DHX35: variants seen among roughly 807,000 people sequenced by gnomAD.
DHX35 encodes probable ATP-dependent RNA helicase DHX35.
A neutral mutation model predicts 99.6 loss-of-function variants in DHX35; 84 were observed. That is an observed-to-expected ratio of 0.84 (90% CI 0.71 to 1.01). The LOEUF (loss-of-function observed/expected upper bound fraction) is 1.01, where lower values mean the gene tolerates loss of function less well. Among genes scored for constraint, DHX35 ranks in the 50% least tolerant of loss-of-function variants. The probability of loss-of-function intolerance (pLI) is 0.00; values close to 1 mark genes in which losing one functional copy is unlikely to be tolerated. For synonymous variants in DHX35, 331 were observed against 316.2 expected, an observed-to-expected ratio of 1.05 and a Z score of -0.50; for missense variants, 852 against 888.5, an observed-to-expected ratio of 0.96 and a Z score of 0.52.
In DHX35 at chr20:39,014,900, G is replaced by A. The variant is rs2086758543; in HGVS notation, c.1368G>A (p.Met456Ile). ...HFMSPPPAQS[M>I]VQALELLYAL... ...TCCAGCCCCCTCCAGCACAGTCGAT[G>A]GTTCAAGCCTTGGAGTTACTGTATG... The change falls in exon 14 of 22, where the codon ATG becomes ATA. Residue 456 changes from methionine to isoleucine, a missense_variant. Physicochemically the swap from Met to Ile is conservative, Grantham distance 10 (BLOSUM62 1). Transcript: ENST00000252011. 4 of 1,614,140 alleles carry A rather than the reference G, an allele frequency of 2.5e-6. No individual in the cohort carries two copies. Among genetic ancestry groups the A allele is most frequent in the Non-Finnish European group, 3.4e-6 (4 of 1,180,020 alleles).
chr20:39,014,559 T>A (rs1490876229), intron 13 of DHX35, among the ~76,000 whole-genome samples: 1 of 152,094 alleles, frequency 6.6e-6, no homozygotes, highest in African/African-American at 2.4e-5. Context: ...AAGTAAAAAT[T>A]AGAAATGTCT....
intron 7 of DHX35, among the ~76,000 whole-genome samples, chr20:38,994,285 G>GA (rs943801149): frequency 6.6e-5 from 10 of 150,578 alleles, no homozygotes; most frequent in African/African-American, 1.9e-4. Flanking sequence ...GATAGATGGG[G>GA]AAAAAAAAAT....
intron 15 of DHX35, among the ~76,000 whole-genome samples, chr20:39,019,350 T>A (rs1248741140): frequency 6.6e-6 from 1 of 152,214 alleles, no homozygotes; most frequent in Non-Finnish European, 1.5e-5. Context: ...AAAATTTTCT[T>A]CATTTTTAAG....
At chr20:38,994,090 GTTATTA>G (rs1013118645) in intron 7 of DHX35, among the ~76,000 whole-genome samples, 5 of 151,984 alleles carry the variant, frequency 3.3e-5, no homozygotes, top group African/African-American at 9.7e-5. Context: ...TGTATTAGTT[GTTATTA>G]TTATTATTTT....
intron 1 of DHX35, among the ~76,000 whole-genome samples, chr20:38,967,448 G>A (rs1266942043): frequency 6.6e-6 from 1 of 152,218 alleles, no homozygotes; most frequent in Non-Finnish European, 1.5e-5. Context: ...GTGCTGAAAA[G>A]TGTGACCTTT....
intron 10 of DHX35, 36 bp from the exon 11 acceptor site, chr20:39,003,713 T>G: frequency 6.3e-7 from 1 of 1,590,988 alleles, no homozygotes; most frequent in Non-Finnish European, 8.6e-7. Flanking sequence ...TTTAAATTGA[T>G]CTCGGTTTCT....
chr20:39,028,348 G>A (rs1476182218), intron 18 of DHX35, 70 bp from the exon 19 acceptor site: 3 of 1,483,160 alleles, frequency 2.0e-6, no homozygotes, highest in Non-Finnish European at 2.8e-6. Context: ...AGTGGATCCT[G>A]TGCATTAGAG....
chr20:39,016,051 G>T (rs1358223147), intron 14 of DHX35, among the ~76,000 whole-genome samples: 1 of 152,190 alleles, frequency 6.6e-6, no homozygotes, highest in African/African-American at 2.4e-5. Flanking sequence ...TTCTAAAGAG[G>T]TTTATTTGGG....
At chr20:38,979,198 A>G (rs190349186) in intron 3 of DHX35, among the ~76,000 whole-genome samples, 36 of 152,192 alleles carry the variant, frequency 2.4e-4, no homozygotes, top group African/African-American at 8.7e-4. Context: ...TAGTATGTGA[A>G]CATAATTTAC....
At chr20:38,992,945 C>T (rs1441082525) in intron 7 of DHX35, among the ~76,000 whole-genome samples, 3 of 152,170 alleles carry the variant, frequency 2.0e-5, no homozygotes, top group African/African-American at 7.2e-5. Flanking sequence ...ATTAAGGTTT[C>T]ATACATATCC....
At chr20:39,009,072 T>C (rs1440691699) in intron 12 of DHX35, among the ~76,000 whole-genome samples, 1 of 152,194 alleles carries the variant, frequency 6.6e-6, no homozygotes, top group Non-Finnish European at 1.5e-5. Context: ...CTTCACACAC[T>C]TGAGTCCTCA....
intron 20 of DHX35, among the ~76,000 whole-genome samples, chr20:39,032,356 GA>G (rs780333324): frequency 5.3e-5 from 8 of 152,316 alleles, no homozygotes; most frequent in Non-Finnish European, 1.0e-4. Context: ...ATTTTTAGTA[GA>G]GACGGGGTTT....
At chr20:38,979,712 G>A (rs894492328) in intron 3 of DHX35, among the ~76,000 whole-genome samples, 2 of 152,084 alleles carry the variant, frequency 1.3e-5, no homozygotes, top group African/African-American at 4.8e-5. Context: ...TACGGAGCAG[G>A]TTTTTCTCTC....
chr20:39,034,316 C>T lies in DHX35; in HGVS notation c.2066C>T (p.Thr689Met), dbSNP rs778423906. 4.8e-5 allele frequency: 77 copies of T among 1,612,724 alleles called. No homozygotes were observed. The highest frequency in any genetic ancestry group is 1.6e-4 in the Middle Eastern group (1 of 6,084). The part of the protein sequence containing the change: ...ELAPHFYQQG[T>M]HLSLKAKRAK... ...GCTCCACACTTTTATCAACAAGGAA[C>T]GGTAGGAATGAACTGAGTCTGTGCC... is the stretch of plus-strand genomic sequence containing the variant. Residue 689 changes from threonine to methionine, a missense_variant and splice_region_variant, in exon 21 of 22, where the codon ACG becomes ATG. Transcript: ENST00000252011.
intron 20 of DHX35, among the ~76,000 whole-genome samples, chr20:39,031,159 G>A (rs1263437525): frequency 2.0e-5 from 3 of 148,598 alleles, no homozygotes; most frequent in Non-Finnish European, 4.5e-5. Context: ...GAGATTCCAT[G>A]TCAAAAAAAA....
At chr20:39,007,590 G>T (rs1037824062) in intron 12 of DHX35, among the ~76,000 whole-genome samples, 1 of 152,204 alleles carries the variant, frequency 6.6e-6, no homozygotes, top group Non-Finnish European at 1.5e-5. Flanking sequence ...TTCACAACCA[G>T]GGTGTTGTTT....
chr20:39,010,986 G>C (rs1265951748), intron 13 of DHX35, among the ~76,000 whole-genome samples: 1 of 152,072 alleles, frequency 6.6e-6, no homozygotes, highest in Non-Finnish European at 1.5e-5. Flanking sequence ...CCCACCTTGT[G>C]GTACTTCCAT....
At chr20:39,023,639 C>T (rs1486933738) in intron 16 of DHX35, 51 bp from the exon 17 acceptor site, 1 of 1,537,502 alleles carries the variant, frequency 6.5e-7, no homozygotes, top group African/African-American at 1.4e-5. Flanking sequence ...AGGTGTGAGC[C>T]ACCACACCCA....
intron 12 of DHX35, among the ~76,000 whole-genome samples, chr20:39,009,181 G>T (rs898363590): frequency 2.0e-5 from 3 of 152,148 alleles, no homozygotes; most frequent in African/African-American, 7.2e-5. Flanking sequence ...TTCTCCTTTG[G>T]TTAGTAGTGT....
Sources: gnomAD v4.1 joint callset for allele counts (sites outside exome capture counted in the v4.1 genomes callset) on GRCh38, gnomAD v4.1.1 for gene constraint, MANE v1.5 for transcripts, NCBI Gene and HGNC (gene_info 2026-07-23, HGNC 2026-07-21) for gene names.